ARHGAP28: variants seen among roughly 807,000 people sequenced by gnomAD.
The protein encoded by ARHGAP28 is Rho GTPase activating protein 28.
Under a neutral mutation model 90.7 loss-of-function variants are expected in ARHGAP28, and 56 were observed. The ratio of observed to expected loss-of-function variants is 0.62; its 90% CI spans 0.50 to 0.77. The LOEUF is 0.77. Ranked by LOEUF, ARHGAP28 falls within the 30% of genes least tolerant of loss-of-function variation. The probability of loss-of-function intolerance (pLI) is 0.00; values close to 1 mark genes in which losing one functional copy is unlikely to be tolerated. For synonymous variants in ARHGAP28, 308 were observed against 323.3 expected (o/e 0.95, Z 0.51); for missense variants, 869 against 900.9 (o/e 0.96, Z 0.45).
chr18:6,740,268 A>G (rs8097432), intron 1 of ARHGAP28, among the ~76,000 whole-genome samples: 145,702 of 152,310 alleles, frequency 0.96, 70,063 homozygotes, highest in East Asian at 1. Flanking sequence ...TTGAGTTGAA[A>G]GCAACCAGGG....
chr18:6,915,240 A>G lies in ARHGAP28; in HGVS notation c.*3086A>G, dbSNP rs1201419140. 1.3e-5 allele frequency: 2 copies of G among 152,230 alleles called. No homozygotes were observed. The highest frequency in any genetic ancestry group is 2.9e-5 in the Non-Finnish European group (2 of 68,044). 9.4% of individuals were successfully genotyped at this position (152,230 alleles called of 1,614,324 possible). A position where few individuals can be genotyped will look rare whatever the true frequency, so the allele number is the denominator to read the frequency against. The stretch of plus-strand genomic sequence containing the variant: ...CGTTCAGGAGTAGGAATTAATGTCC[A>G]TCTTTTCTTTCAGGCATTTTCATCT... On this transcript the variant is annotated 3_prime_UTR_variant, in exon 18 of 18. Coordinates refer to ENST00000383472, the MANE Select transcript of ARHGAP28 (RefSeq NM_001366230.1).
intron 1 of ARHGAP28, among the ~76,000 whole-genome samples, chr18:6,788,006 T>C (rs1456285036): frequency 6.6e-6 from 1 of 152,220 alleles, no homozygotes; most frequent in Non-Finnish European, 1.5e-5. Flanking sequence ...GGCTTCAGTT[T>C]CTCCTGGCCT....
chr18:6,877,190 T>G (rs2057137875), intron 10 of ARHGAP28, among the ~76,000 whole-genome samples: 1 of 152,198 alleles, frequency 6.6e-6, no homozygotes, highest in Admixed American at 6.5e-5. Flanking sequence ...TATAGAAGTG[T>G]GACGAGAGGT....
chr18:6,882,325 T>C lies in ARHGAP28; in HGVS notation c.1453+26T>C, dbSNP rs115093504. On this transcript the variant is annotated intron_variant, in intron 11 of 17. Transcript: ENST00000383472. ...GTAGGTGGAAGACGTTATATGTGAATACGCTAAGATATAAGGTCAATAAAG... is the reference window on the plus strand; with the variant it reads ...GTAGGTGGAAGACGTTATATGTGAACACGCTAAGATATAAGGTCAATAAAG... The C allele has an allele frequency of 7.1e-4, 1,127 of 1,595,944 alleles. 8 individuals are homozygous for C. The African/African-American group carries it at 0.013, about 18-fold the overall frequency.
At chr18:6,882,364 G>C in intron 11 of ARHGAP28, 65 bp downstream of exon 11, 1 of 1,477,610 alleles carries the variant, frequency 6.8e-7, no homozygotes, top group Non-Finnish European at 9.1e-7. Context: ...GAGCAGAAGA[G>C]AGATGCTGAA....
intron 1 of ARHGAP28, chr18:6,791,715 A>G (rs139490313): frequency 3.3e-4 from 51 of 152,342 alleles, no homozygotes; most frequent in Admixed American, 1.4e-3. Context: ...CTCAAATTAC[A>G]CTATGGTTGT....
Position 6,913,179 on chromosome 18 carries a change from A to C in ARHGAP28, c.*1025A>C, listed in dbSNP as rs1407469315. On this transcript the variant is annotated 3_prime_UTR_variant, in exon 18 of 18. Transcript: ENST00000383472. ...TCATAGGCATGGCCGAGCATTGTGG[A>C]TTAGCCTGAGGCTTAAAATCAGATG... 1 of 152,204 alleles carries C rather than the reference A, an allele frequency of 6.6e-6. No homozygotes were observed. The highest frequency in any genetic ancestry group is 1.5e-5 in the Non-Finnish European group (1 of 68,034). 9.4% of individuals were successfully genotyped at this position (152,204 alleles called of 1,614,324 possible).
chr18:6,849,033 T>C (rs2056888185), intron 3 of ARHGAP28, among the ~76,000 whole-genome samples: 1 of 151,524 alleles, frequency 6.6e-6, no homozygotes, highest in African/African-American at 2.4e-5. Flanking sequence ...GAGGATCTCT[T>C]GAGCCCAGGA....
chr18:6,776,088 G>T (rs561394200), intron 1 of ARHGAP28, among the ~76,000 whole-genome samples: 4 of 152,254 alleles, frequency 2.6e-5, no homozygotes, highest in African/African-American at 9.6e-5. Context: ...GTAATACAAG[G>T]TTCTAAAGAC....
At chr18:6,859,697 A>G in intron 4 of ARHGAP28, 111 bp from the exon 5 acceptor site, 1 of 1,076,036 alleles carries the variant, frequency 9.3e-7, no homozygotes, top group Non-Finnish European at 1.4e-6. Flanking sequence ...ACAGGCAGTC[A>G]TAATTGCATA....
intron 1 of ARHGAP28, among the ~76,000 whole-genome samples, chr18:6,758,171 A>T (rs1264569951): frequency 6.6e-6 from 1 of 152,190 alleles, no homozygotes; most frequent in African/African-American, 2.4e-5. Flanking sequence ...ATTATTTAGG[A>T]TAATCCAAGT....
intron 10 of ARHGAP28, among the ~76,000 whole-genome samples, chr18:6,879,537 T>C (rs137953349): frequency 9.5e-4 from 144 of 152,312 alleles, no homozygotes; most frequent in African/African-American, 3.0e-3. Flanking sequence ...TGGTTTCACA[T>C]TGGGGCCACC....
At chr18:6,759,109 A>G (rs771659735) in intron 1 of ARHGAP28, among the ~76,000 whole-genome samples, 2 of 152,166 alleles carry the variant, frequency 1.3e-5, no homozygotes, top group African/African-American at 2.4e-5. Flanking sequence ...TATAGGCATT[A>G]TTTCACCGTT....
chr18:6,912,140 C>A lies in ARHGAP28; in HGVS notation c.2176C>A (p.Gln726Lys). The stretch of plus-strand genomic sequence containing the variant: ...TCAAGCAGAATGGGTGATTAAACCC[C>A]AACAAAGTTCTTAAAATATCCTCGA... ...NPQAEWVIKP[Q>K]QSS is the part of the protein sequence containing the mutation. Residue 726 changes from glutamine to lysine, a missense_variant, in exon 18 of 18, where the codon CAA becomes AAA. Physicochemically the swap from Gln to Lys is moderately conservative, Grantham distance 53. Coordinates refer to ENST00000383472, the MANE Select transcript of ARHGAP28 (RefSeq NM_001366230.1). 1 of 1,593,304 alleles carries A rather than the reference C, an allele frequency of 6.3e-7. No homozygotes were observed. Among genetic ancestry groups the A allele is most frequent in the Non-Finnish European group, 8.6e-7 (1 of 1,163,086 alleles).
At chr18:6,760,409 C>T (rs1264265952) in intron 1 of ARHGAP28, among the ~76,000 whole-genome samples, 2 of 152,080 alleles carry the variant, frequency 1.3e-5, no homozygotes, top group Non-Finnish European at 2.9e-5. Flanking sequence ...ACTCAGAATT[C>T]ACCAAGTACA....
At chr18:6,777,430 A>G (rs1033346563) in intron 1 of ARHGAP28, among the ~76,000 whole-genome samples, 2 of 152,130 alleles carry the variant, frequency 1.3e-5, no homozygotes, top group Admixed American at 6.5e-5. Context: ...AATTAGCCCA[A>G]AGATTTGCGA....
Position 6,782,592 on chromosome 18 carries a change from A to ATTTTTTTTTTTTTTTTTTT in ARHGAP28, c.123-42151_123-42133dup, listed in dbSNP as rs10602816. On this transcript the variant is annotated intron_variant, in intron 1 of 17. Coordinates refer to ENST00000383472, the MANE Select transcript of ARHGAP28 (RefSeq NM_001366230.1). ...GCCATCACGCCCAGCTAATTTTTGT[A>ATTTTTTTTTTTTTTTTTTT]TTTTTTTTTTTTTTTTTTTTTTTTT... is the stretch of plus-strand genomic sequence containing the variant. 7.5e-5 allele frequency among the ~76,000 whole-genome samples: 2 copies of ATTTTTTTTTTTTTTTTTTT among 26,674 alleles called. 1 individual carries two copies. Among genetic ancestry groups the ATTTTTTTTTTTTTTTTTTT allele is most frequent in the Non-Finnish European group, 1.6e-4 (2 of 12,334 alleles). The allele number at this position is 26,674 out of a possible 152,430, so 17.5% of individuals were successfully genotyped here.
chr18:6,794,273 T>C (rs16950609), intron 1 of ARHGAP28, among the ~76,000 whole-genome samples: 6,065 of 152,342 alleles, frequency 0.04, 291 homozygotes, highest in African/African-American at 0.11. Flanking sequence ...TCTTTTTTTC[T>C]GTCATAATAC....
In ARHGAP28 at chr18:6,890,476, C is replaced by T. The variant is rs144213417; in HGVS notation, c.1781C>T (p.Thr594Met). The T allele has an allele frequency of 7.4e-6, 12 of 1,613,358 alleles. No individual in the cohort carries two copies. The highest frequency in any genetic ancestry group is 4.4e-5 in the South Asian group (4 of 90,926). ...ITQVRRMNEA[T>M]MLLKKQLPSV... is the part of the protein sequence containing the mutation. The stretch of plus-strand genomic sequence containing the variant: ...CAAGTAAGAAGAATGAATGAAGCCA[C>T]GATGCTATTGAAGAAGCAGCTCCCA... The change falls in exon 14 of 18, where the codon ACG (threonine) becomes ATG (methionine). Residue 594 changes from threonine to methionine, a missense_variant. Coordinates refer to ENST00000383472, the MANE Select transcript of ARHGAP28 (RefSeq NM_001366230.1).
Sources: allele counts gnomAD v4.1 joint callset (sites outside exome capture counted in the v4.1 genomes callset), GRCh38; gene constraint gnomAD v4.1.1; transcripts MANE v1.5; gene names NCBI Gene and HGNC (gene_info 2026-07-23, HGNC 2026-07-21).